EYS: variants seen among roughly 807,000 people sequenced by gnomAD.
EYS encodes EGF-like photoreceptor maintenance factor, also known as protein eyes shut homolog.
A neutral mutation model predicts 282.1 loss-of-function variants in EYS; 250 were observed. The observed-to-expected ratio is 0.89, with a 90% confidence interval of 0.80 to 0.98. EYS has a LOEUF of 0.98. EYS is among the 50% of genes least tolerant of loss of function. The pLI, the probability that EYS is intolerant of heterozygous loss-of-function variation, is 0.00. For synonymous variants in EYS, 1,355 were observed against 1,282.9 expected, an observed-to-expected ratio of 1.06 and a Z score of -1.20; for missense variants, 4,016 against 3,709.0, an observed-to-expected ratio of 1.08 and a Z score of -2.15.
chr6:64,973,938 T>C (rs1381595172), intron 14 of EYS, among the ~76,000 whole-genome samples: 2 of 151,832 alleles, frequency 1.3e-5, no homozygotes, highest in Admixed American at 6.6e-5. Context: ...AGATAATTCA[T>C]TTTTTCCCTC....
chr6:65,024,728 A>G (rs566670513), intron 13 of EYS, among the ~76,000 whole-genome samples: 4 of 152,228 alleles, frequency 2.6e-5, no homozygotes, highest in South Asian at 2.1e-4. Context: ...CTTTGCAAGC[A>G]ATATATTCAT....
intron 5 of EYS, among the ~76,000 whole-genome samples, chr6:65,443,731 TGCATATACACATATATACACATAC>T (rs1414929890): frequency 7.3e-4 from 111 of 151,114 alleles, no homozygotes; most frequent in African/African-American, 2.6e-3. Flanking sequence ...TACACATACG[TGCATATACACATATATACACATAC>T]GTGCATATAC....
At chr6:64,710,464 A>G (rs1771170581) in intron 22 of EYS, among the ~76,000 whole-genome samples, 1 of 152,226 alleles carries the variant, frequency 6.6e-6, no homozygotes, top group Non-Finnish European at 1.5e-5. Flanking sequence ...GTTAAAGGGT[A>G]GCCAATAGGG....
intron 33 of EYS, among the ~76,000 whole-genome samples, chr6:64,064,790 AT>A (rs1472247146): frequency 1.3e-5 from 2 of 152,192 alleles, no homozygotes; most frequent in Admixed American, 1.3e-4. Context: ...GTTTGTATAA[AT>A]TGTTGACATT....
chr6:65,404,626 T>C (rs1033442145), intron 6 of EYS, among the ~76,000 whole-genome samples: 13 of 151,984 alleles, frequency 8.6e-5, no homozygotes, highest in Admixed American at 2.6e-4. Context: ...CTTTTATCTG[T>C]ATATTATGTT....
At chr6:64,884,672 T>C (rs910942587) in intron 19 of EYS, among the ~76,000 whole-genome samples, 6 of 151,598 alleles carry the variant, frequency 4.0e-5, no homozygotes, top group African/African-American at 1.4e-4. Flanking sequence ...GAAGGTCAAT[T>C]TGAATGTCAA....
chr6:65,273,049 T>G (rs1767946606), intron 12 of EYS, among the ~76,000 whole-genome samples: 1 of 152,174 alleles, frequency 6.6e-6, no homozygotes. Flanking sequence ...TCAGGATGGC[T>G]AATTGAATAA....
chr6:65,139,383 G>T (rs2150207586), intron 12 of EYS, among the ~76,000 whole-genome samples: 1 of 152,146 alleles, frequency 6.6e-6, no homozygotes, highest in Admixed American at 6.6e-5. Flanking sequence ...TCTAAACAGT[G>T]AGTACCTATA....
Position 63,957,394 on chromosome 6 carries a change from A to G in EYS, c.7055+26989T>C, listed in dbSNP as rs571298871. 3.3e-4 allele frequency among the ~76,000 whole-genome samples: 46 copies of G among 140,832 alleles called. 4 individuals carry two copies. Among genetic ancestry groups the G allele is most frequent in the Non-Finnish European group, 7.1e-4 (44 of 61,960 alleles). 92.4% of individuals were successfully genotyped at this position (140,832 alleles called of 152,430 possible). ...GTGACTTAAAATGTTGTCTCTGTGC[A>G]TATCTGTGAATGACCTCAAATGATT... On this transcript the variant is annotated intron_variant, in intron 35 of 42. Coordinates refer to ENST00000503581, the MANE Select transcript of EYS (RefSeq NM_001142800.2).
chr6:64,719,821 A>G (rs557608464), intron 22 of EYS, among the ~76,000 whole-genome samples: 58 of 152,290 alleles, frequency 3.8e-4, no homozygotes, highest in African/African-American at 1.3e-3. Flanking sequence ...GAATTTCTTG[A>G]ACCTGGGAGG....
chr6:63,807,436 T>A (rs554029432), intron 36 of EYS, among the ~76,000 whole-genome samples: 2 of 152,330 alleles, frequency 1.3e-5, no homozygotes, highest in South Asian at 4.1e-4. Flanking sequence ...CTGTTTATAA[T>A]TGTGTATACA....
chr6:64,591,967 G>T lies in EYS; in HGVS notation c.3900C>A (p.Val1300=). ...VDQGPKQTGI[V]KHDILPTTGL... is the part of the protein sequence containing the mutation. ...CAGTGGTTGGGAGAATGTCGTGCTT[G>T]ACAATGCCTGTCTGTTTTGGACCTA... is the stretch of plus-strand genomic sequence containing the variant. Residue 1300 remains valine, a synonymous_variant, in exon 26 of 43, where the codon GTC becomes GTA. Transcript: ENST00000503581. 6.7e-7 allele frequency: 1 copy of T among 1,498,152 alleles called. No individual in the cohort carries two copies. Among genetic ancestry groups the T allele is most frequent in the Non-Finnish European group, 8.9e-7 (1 of 1,121,170 alleles). 92.8% of individuals were successfully genotyped at this position (1,498,152 alleles called of 1,614,324 possible). A position where few individuals can be genotyped will look rare whatever the true frequency, so the allele number is the denominator to read the frequency against.
intron 26 of EYS, among the ~76,000 whole-genome samples, chr6:64,569,331 G>A (rs1765649581): frequency 6.6e-6 from 1 of 151,776 alleles, no homozygotes; most frequent in Non-Finnish European, 1.5e-5. Context: ...CACAGCACAA[G>A]AACTTCATGA....
intron 29 of EYS, among the ~76,000 whole-genome samples, chr6:64,362,313 A>C (rs1772043457): frequency 6.6e-6 from 1 of 151,964 alleles, no homozygotes; most frequent in Non-Finnish European, 1.5e-5. Context: ...ATTTTAATAG[A>C]AATTCATAAA....
At chr6:63,764,378 T>C (rs1267889044) in intron 40 of EYS, among the ~76,000 whole-genome samples, 2 of 151,840 alleles carry the variant, frequency 1.3e-5, no homozygotes, top group Admixed American at 6.6e-5. Context: ...TTTTTGAAGA[T>C]CACAAAGAGT....
At chr6:65,341,176 T>A (rs947762248) in intron 10 of EYS, among the ~76,000 whole-genome samples, 2 of 151,316 alleles carry the variant, frequency 1.3e-5, no homozygotes, top group African/African-American at 2.4e-5. Flanking sequence ...GTTCAGATGA[T>A]CACATCACTC....
At chr6:65,299,853 A>G (rs1232552340) in intron 11 of EYS, among the ~76,000 whole-genome samples, 1 of 152,118 alleles carries the variant, frequency 6.6e-6, no homozygotes, top group African/African-American at 2.4e-5. Context: ...AAGTATTTAC[A>G]TTTCTTACAC....
intron 29 of EYS, among the ~76,000 whole-genome samples, chr6:64,342,457 G>A (rs996055357): frequency 9.9e-5 from 15 of 152,036 alleles, no homozygotes; most frequent in African/African-American, 3.4e-4. Flanking sequence ...TTCATATCCA[G>A]ACAAACTAAG....
At chr6:64,999,820 C>T (rs529689620) in intron 13 of EYS, among the ~76,000 whole-genome samples, 49 of 152,246 alleles carry the variant, frequency 3.2e-4, no homozygotes, top group Middle Eastern at 3.4e-3. Flanking sequence ...CCAGGGCAGT[C>T]AGAGGGGAGC....
Sources: allele counts gnomAD v4.1 joint callset (sites outside exome capture counted in the v4.1 genomes callset), GRCh38; gene constraint gnomAD v4.1.1; transcripts MANE v1.5; gene names NCBI Gene and HGNC (gene_info 2026-07-23, HGNC 2026-07-21).